The following NLGN1 variants were observed in gnomAD, a reference collection of about 807,000 sequenced individuals.
The protein encoded by NLGN1 is neuroligin 1.
In NLGN1, 12 loss-of-function variants were observed where a neutral mutation model predicts 65.5. The ratio of observed to expected loss-of-function variants is 0.18; its 90% CI spans 0.12 to 0.30. NLGN1 has a LOEUF of 0.30. Ranked by LOEUF, NLGN1 falls within the 10% of genes least tolerant of loss-of-function variation. The pLI, the probability that NLGN1 is intolerant of heterozygous loss-of-function variation, is 1.00. For synonymous variants in NLGN1, 350 were observed against 359.5 expected (o/e 0.97, Z 0.30); for missense variants, 750 against 1,007.1 (o/e 0.74, Z 3.46).
intron 4 of NLGN1, among the ~76,000 whole-genome samples, chr3:174,016,807 A>G (rs963882447): frequency 3.9e-5 from 6 of 152,192 alleles, no homozygotes; most frequent in African/African-American, 1.4e-4. Context: ...CATAGCAGCC[A>G]AGAAGGCTTC....
chr3:174,043,233 C>A (rs1448022011), intron 4 of NLGN1, among the ~76,000 whole-genome samples: 1 of 152,098 alleles, frequency 6.6e-6, no homozygotes, highest in Admixed American at 6.6e-5. Context: ...GGGGACACAG[C>A]CAAACCATAT....
At chr3:174,109,622 T>C (rs1714745508) in intron 4 of NLGN1, among the ~76,000 whole-genome samples, 2 of 152,120 alleles carry the variant, frequency 1.3e-5, no homozygotes, top group Admixed American at 1.3e-4. Flanking sequence ...GAAATTAACA[T>C]ATTAAATGTA....
intron 2 of NLGN1, among the ~76,000 whole-genome samples, chr3:173,501,253 T>TC (rs1336617616): frequency 6.6e-6 from 1 of 151,944 alleles, no homozygotes; most frequent in African/African-American, 2.4e-5. Context: ...ATGCTCTCCC[T>TC]CCCCCGGCAG....
At chr3:173,993,575 G>A (rs553460992) in intron 4 of NLGN1, among the ~76,000 whole-genome samples, 1 of 151,974 alleles carries the variant, frequency 6.6e-6, no homozygotes, top group Non-Finnish European at 1.5e-5. Flanking sequence ...GGAGTTGCAG[G>A]TCCCAGACAT....
rs191478038 is a variant in NLGN1, at chr3:174,147,627, G to A, written c.647-127688G>A. Reference sequence around the variant, plus strand: ...TTCTTTATATTTTTAGTAGAGACAGGGTTTCACATTTTTAAATTCTGGAAA... The same window carrying A: ...TTCTTTATATTTTTAGTAGAGACAGAGTTTCACATTTTTAAATTCTGGAAA... On this transcript the variant is annotated intron_variant, in intron 4 of 6. Transcript: ENST00000457714. Among the ~76,000 whole-genome samples, 582 of 151,314 alleles carry A rather than the reference G, an allele frequency of 3.8e-3. 14 individuals are homozygous for A. The highest frequency in any genetic ancestry group is 0.036 in the Admixed American group (546 of 15,174).
At chr3:173,731,893 T>G (rs1023970719) in intron 3 of NLGN1, among the ~76,000 whole-genome samples, 2 of 152,002 alleles carry the variant, frequency 1.3e-5, no homozygotes, top group African/African-American at 4.8e-5. Flanking sequence ...AATACTGCTC[T>G]TTGCTAACAG....
intron 2 of NLGN1, among the ~76,000 whole-genome samples, chr3:173,485,411 T>C (rs1479564403): frequency 6.6e-6 from 1 of 152,142 alleles, no homozygotes; most frequent in Non-Finnish European, 1.5e-5. Flanking sequence ...CCTTCAAAAA[T>C]TGTTGTGCTT....
At chr3:173,425,965 A>C (rs1319685905) in intron 1 of NLGN1, among the ~76,000 whole-genome samples, 1 of 152,022 alleles carries the variant, frequency 6.6e-6, no homozygotes, top group African/African-American at 2.4e-5. Flanking sequence ...CAGGAACATG[A>C]TATGTCTTTT....
intron 4 of NLGN1, among the ~76,000 whole-genome samples, chr3:173,905,072 C>T (rs752288968): frequency 6.6e-6 from 1 of 152,132 alleles, no homozygotes; most frequent in Non-Finnish European, 1.5e-5. Flanking sequence ...TGACAAAATT[C>T]TGGCTACCCG....
At chr3:174,018,234 T>C (rs1009514715) in intron 4 of NLGN1, among the ~76,000 whole-genome samples, 1 of 152,172 alleles carries the variant, frequency 6.6e-6, no homozygotes, top group African/African-American at 2.4e-5. Context: ...GTTATCCTGT[T>C]CTTTTTTCAA....
At chr3:173,730,982 G>A (rs1320117542) in intron 3 of NLGN1, among the ~76,000 whole-genome samples, 1 of 152,012 alleles carries the variant, frequency 6.6e-6, no homozygotes, top group Non-Finnish European at 1.5e-5. Flanking sequence ...GCCATGATAT[G>A]TGCCTTGAGA....
Position 173,640,210 on chromosome 3 carries a change from A to T in NLGN1, c.493+35119A>T, listed in dbSNP as rs115843145. Among the ~76,000 whole-genome samples, 507 of 152,290 alleles carry T rather than the reference A, an allele frequency of 3.3e-3. 3 individuals are homozygous for T. Among genetic ancestry groups the T allele is most frequent in the African/African-American group, 0.012 (480 of 41,570 alleles). ...AATTATTCAGAGGAACAGTCTGATG[A>T]TCAGATAGACTCTAAAGTCAGTCAT... On this transcript the variant is annotated intron_variant, in intron 3 of 6. Transcript: ENST00000457714.
chr3:173,747,176 C>T (rs551186401), intron 3 of NLGN1, among the ~76,000 whole-genome samples: 166 of 137,392 alleles, frequency 1.2e-3, no homozygotes, highest in Middle Eastern at 4.5e-3. Flanking sequence ...TTTGAGACAG[C>T]GTCTCAAAAC....
At chr3:173,784,310 G>A (rs1277712130) in intron 3 of NLGN1, among the ~76,000 whole-genome samples, 2 of 152,170 alleles carry the variant, frequency 1.3e-5, no homozygotes, top group African/African-American at 4.8e-5. Flanking sequence ...AATGGTAGTT[G>A]TATTCTGTCT....
chr3:173,427,278 A>AT (rs1716276545), intron 1 of NLGN1, among the ~76,000 whole-genome samples: 1 of 151,274 alleles, frequency 6.6e-6, no homozygotes, highest in Non-Finnish European at 1.5e-5. Flanking sequence ...TTTGTTGATT[A>AT]TTTTTCTATT....
intron 3 of NLGN1, among the ~76,000 whole-genome samples, chr3:173,609,893 G>A (rs533659016): frequency 6.6e-6 from 1 of 151,876 alleles, no homozygotes; most frequent in Non-Finnish European, 1.5e-5. Flanking sequence ...TACCTCATTC[G>A]AGCAAAGATC....
chr3:173,867,595 G>A (rs1316117941), intron 4 of NLGN1, among the ~76,000 whole-genome samples: 2 of 151,886 alleles, frequency 1.3e-5, no homozygotes, highest in African/African-American at 4.8e-5. Context: ...CTAACCTCAT[G>A]GCATGTTAGT....
At position 173,861,957 on chromosome 3, in the gene NLGN1, C is replaced by T. The variant is rs577496737; in HGVS notation, c.646+54125C>T. 9.2e-5 allele frequency among the ~76,000 whole-genome samples: 14 copies of T among 151,520 alleles called. No individual in the cohort carries two copies. In the East Asian group the frequency reaches 1.6e-3, roughly 17 times the overall value. Reference sequence around the variant, plus strand: ...TGTGTGTGTGTATTTTTAGTAGAGACGAGGTTTTACCATGTTGGCCAGGCT... The same window carrying T: ...TGTGTGTGTGTATTTTTAGTAGAGATGAGGTTTTACCATGTTGGCCAGGCT... On this transcript the variant is annotated intron_variant, in intron 4 of 6. Transcript: ENST00000457714.
chr3:174,086,900 T>G (rs974174276), intron 4 of NLGN1, among the ~76,000 whole-genome samples: 3 of 152,176 alleles, frequency 2.0e-5, no homozygotes, highest in Admixed American at 2.0e-4. Flanking sequence ...TCAGAATCTT[T>G]TAGCATCCAA....
Sources: gnomAD v4.1 joint callset for allele counts (sites outside exome capture counted in the v4.1 genomes callset) on GRCh38, gnomAD v4.1.1 for gene constraint, MANE v1.5 for transcripts, NCBI Gene and HGNC (gene_info 2026-07-23, HGNC 2026-07-21) for gene names.